The following ALDH2 variants were observed in gnomAD, a reference collection of about 807,000 sequenced individuals.
ALDH2 encodes the protein aldehyde dehydrogenase, mitochondrial.
A neutral mutation model predicts 59.6 loss-of-function variants in ALDH2; 44 were observed. That is an observed-to-expected ratio of 0.74 (90% CI 0.58 to 0.95). The LOEUF (loss-of-function observed/expected upper bound fraction) is 0.95. ALDH2 is among the 40% of genes least tolerant of loss of function. The pLI is 0.00. For missense variants in ALDH2, 570 were observed against 696.3 expected (o/e 0.82, Z 2.04); for synonymous variants, 291 against 284.0 (o/e 1.02, Z -0.25).
intron 1 of ALDH2, among the ~76,000 whole-genome samples, chr12:111,770,760 T>A (rs2068193163): frequency 6.6e-6 from 1 of 152,140 alleles, no homozygotes; most frequent in Non-Finnish European, 1.5e-5. Flanking sequence ...TTCTCCTGCT[T>A]GAGCCTCCTG....
At chr12:111,801,358 C>T (rs1396201230) in intron 11 of ALDH2, among the ~76,000 whole-genome samples, 1 of 152,152 alleles carries the variant, frequency 6.6e-6, no homozygotes, top group Non-Finnish European at 1.5e-5. Context: ...TATCAGTAGC[C>T]ATGCATGCAA....
intron 3 of ALDH2, 119 bp downstream of exon 3, chr12:111,783,417 G>A: frequency 7.7e-7 from 1 of 1,305,528 alleles, no homozygotes; most frequent in East Asian, 2.5e-5. Context: ...TCTGACACGG[G>A]ACTGATGGGA....
intron 4 of ALDH2, among the ~76,000 whole-genome samples, chr12:111,786,231 G>T: frequency 6.6e-6 from 1 of 152,036 alleles, no homozygotes; most frequent in East Asian, 1.9e-4. Context: ...TTGATTGATT[G>T]ATTGATTATT....
At chr12:111,801,684 G>A (rs1302131104) in intron 11 of ALDH2, among the ~76,000 whole-genome samples, 1 of 148,692 alleles carries the variant, frequency 6.7e-6, no homozygotes, top group African/African-American at 2.5e-5. Flanking sequence ...GAGCGATAGA[G>A]TGAGACTCCA....
chr12:111,771,610 T>C (rs900883891), intron 1 of ALDH2, among the ~76,000 whole-genome samples: 2 of 152,176 alleles, frequency 1.3e-5, no homozygotes, highest in Non-Finnish European at 2.9e-5. Flanking sequence ...TGTCCAGCAC[T>C]CTACACCATA....
In ALDH2 at chr12:111,789,914, G is replaced by C. The variant is rs1229106656; in HGVS notation, c.532G>C (p.Val178Leu). The change falls in exon 5 of 13, where the codon GTG becomes CTG. Residue 178 changes from valine to leucine, a missense_variant. Transcript: ENST00000261733. ...FSYTRHEPVGVCGQIIPWNFP... is the reference protein window; with the variant it reads ...FSYTRHEPVGLCGQIIPWNFP... ...CTACACACGCCATGAACCTGTGGGG[G>C]TGTGCGGGCAGATCATTCCGGTGAG... 6.2e-7 allele frequency: 1 copy of C among 1,614,080 alleles called. No individual in the cohort carries two copies. Among genetic ancestry groups the C allele is most frequent in the Non-Finnish European group, 8.5e-7 (1 of 1,180,040 alleles).
In ALDH2 at chr12:111,770,273, C is replaced by T. The variant is rs1000697021; in HGVS notation, c.114+3177C>T. On this transcript the variant is annotated intron_variant, in intron 1 of 12. Coordinates refer to ENST00000261733, the MANE Select transcript of ALDH2 (RefSeq NM_000690.4). ...ATGGCCACTGGTGCCTCCATATTGA[C>T]TGCAGCCTTAAGCAGGAGCTGGGAT... Among the ~76,000 whole-genome samples, 6 of 152,170 alleles carry T rather than the reference C, an allele frequency of 3.9e-5. No individual in the cohort carries two copies. The South Asian group carries it at 6.2e-4, about 16-fold the overall frequency.
chr12:111,785,126 G>C, intron 3 of ALDH2, 141 bp from the exon 4 acceptor site: 5 of 732,284 alleles, frequency 6.8e-6, no homozygotes, highest in Non-Finnish European at 9.9e-6. Context: ...AGAGATGCTA[G>C]TGACATTTGG....
chr12:111,792,345 C>T (rs2136019195), intron 8 of ALDH2, among the ~76,000 whole-genome samples, 182 bp downstream of exon 8: 1 of 152,386 alleles, frequency 6.6e-6, no homozygotes, highest in East Asian at 1.9e-4. Flanking sequence ...CCAGCCTCTC[C>T]CTGGCTGCTC....
chr12:111,792,472 GTC>G (rs2068368740), intron 8 of ALDH2, 124 bp from the exon 9 acceptor site: 1 of 1,158,746 alleles, frequency 8.6e-7, no homozygotes. Flanking sequence ...CCCTGTATCT[GTC>G]TCTGGCACCC....
chr12:111,815,744 G>A lies in ALDH2; in HGVS notation c.*6169G>A, dbSNP rs2068565331. ...CCCACCTCAGCCTCCTGAGTAGCTGGGATTATAGGCGTGCACTACCATGCA... is the reference window on the plus strand; with the variant it reads ...CCCACCTCAGCCTCCTGAGTAGCTGAGATTATAGGCGTGCACTACCATGCA... On this transcript the variant is annotated 3_prime_UTR_variant, in exon 13 of 13. Coordinates refer to ENST00000261733, the MANE Select transcript of ALDH2 (RefSeq NM_000690.4). 6.6e-6 allele frequency: 1 copy of A among 151,098 alleles called. No homozygotes were observed. Among genetic ancestry groups the A allele is most frequent in the South Asian group, 2.1e-4 (1 of 4,770 alleles). The allele number at this position is 151,098 out of a possible 1,614,324, so 9.4% of individuals were successfully genotyped here. A position where few individuals can be genotyped will look rare whatever the true frequency, so the allele number is the denominator to read the frequency against.
rs933300790 is a variant in ALDH2 at position 111,812,127 on chromosome 12, A to T, written c.*2552A>T. 7 of 152,442 alleles carry T rather than the reference A, an allele frequency of 4.6e-5. No homozygotes were observed. The highest frequency in any genetic ancestry group is 1.7e-4 in the African/African-American group (7 of 41,462). The allele number at this position is 152,442 out of a possible 1,614,324, so 9.4% of individuals were successfully genotyped here. A position where few individuals can be genotyped will look rare whatever the true frequency, so the allele number is the denominator to read the frequency against. ...GCTTACGCCATTATTTCTGCGTATC[A>T]GAGACTTTTAGTACTTTCACTAATT... On this transcript the variant is annotated 3_prime_UTR_variant, in exon 13 of 13. Transcript: ENST00000261733.
At chr12:111,769,325 G>A (rs1278128951) in intron 1 of ALDH2, among the ~76,000 whole-genome samples, 1 of 152,024 alleles carries the variant, frequency 6.6e-6, no homozygotes, top group Non-Finnish European at 1.5e-5. Context: ...TGCCAAGGTG[G>A]GAAGATCGCT....
intron 12 of ALDH2, among the ~76,000 whole-genome samples, chr12:111,807,798 G>A (rs565434620): frequency 6.6e-6 from 1 of 152,166 alleles, no homozygotes; most frequent in African/African-American, 2.4e-5. Flanking sequence ...TGGCCATGAT[G>A]TGGGGTTTGA....
At chr12:111,783,402 A>T in intron 3 of ALDH2, 104 bp downstream of exon 3, 1 of 1,389,634 alleles carries the variant, frequency 7.2e-7, no homozygotes, top group Non-Finnish European at 9.7e-7. Context: ...GCCAGGGAAC[A>T]CACATCTGAC....
rs1336907145 is a variant in ALDH2 at position 111,811,475 on chromosome 12, T to C, written c.*1900T>C. On this transcript the variant is annotated 3_prime_UTR_variant, in exon 13 of 13. Coordinates refer to ENST00000261733, the MANE Select transcript of ALDH2 (RefSeq NM_000690.4). ...CTTGACAATGTATTTTCTTTTTTTT[T>C]TTCTTCTTTTTTTTTTGAGACTGAG... 2 of 152,090 alleles carry C rather than the reference T, an allele frequency of 1.3e-5. No homozygotes were observed. The highest frequency in any genetic ancestry group is 2.9e-5 in the Non-Finnish European group (2 of 68,048). The allele number at this position is 152,090 out of a possible 1,614,324, so 9.4% of individuals were successfully genotyped here. A position where few individuals can be genotyped will look rare whatever the true frequency, so the allele number is the denominator to read the frequency against.
At chr12:111,799,062 A>G (rs914887046) in intron 10 of ALDH2, among the ~76,000 whole-genome samples, 4 of 152,018 alleles carry the variant, frequency 2.6e-5, no homozygotes, top group African/African-American at 9.7e-5. Flanking sequence ...ACAGGGTTTC[A>G]CCATGTTGAT....
Position 111,790,511 on chromosome 12 carries a change from A to T in ALDH2, c.630A>T (p.Val210=). The T allele has an allele frequency of 6.2e-7, 1 of 1,614,180 alleles. No individual in the cohort carries two copies. Among genetic ancestry groups the T allele is most frequent in the Non-Finnish European group, 8.5e-7 (1 of 1,180,022 alleles). The change falls in exon 6 of 13, where the codon GTA becomes GTT. Residue 210 remains valine (V), a synonymous_variant. Transcript: ENST00000261733. The part of the protein sequence containing the change: ...LATGNVVVMK[V]AEQTPLTALY... ...CTGGAAACGTGGTTGTGATGAAGGT[A>T]GCTGAGCAGACACCCCTCACCGCCC...
At chr12:111,783,420 T>A in intron 3 of ALDH2, 122 bp downstream of exon 3, 4 of 1,250,460 alleles carry the variant, frequency 3.2e-6, no homozygotes, top group Non-Finnish European at 4.4e-6. Context: ...GACACGGGAC[T>A]GATGGGAATG....
Sources: gnomAD v4.1 joint callset for allele counts (sites outside exome capture counted in the v4.1 genomes callset) on GRCh38, gnomAD v4.1.1 for gene constraint, MANE v1.5 for transcripts, NCBI Gene and HGNC (gene_info 2026-07-23, HGNC 2026-07-21) for gene names.